NDUFAF7: variants seen among roughly 807,000 people sequenced by gnomAD.
NDUFAF7 encodes the protein NADH:ubiquinone oxidoreductase complex assembly factor 7, also known as protein arginine methyltransferase NDUFAF7, mitochondrial.
A neutral mutation model predicts 47.2 loss-of-function variants in NDUFAF7; 48 were observed. The ratio of observed to expected loss-of-function variants is 1.02; its 90% CI spans 0.81 to 1.29. The LOEUF (loss-of-function observed/expected upper bound fraction) is 1.29. Ranked by LOEUF, NDUFAF7 falls within the 50% of genes most tolerant of loss-of-function variation. NDUFAF7 has a pLI of 0.00. For synonymous variants in NDUFAF7, 217 were observed against 190.0 expected (o/e 1.14, Z -1.17); for missense variants, 635 against 537.6 (o/e 1.18, Z -1.79).
At chr2:37,271,186 T>C in the NDUFAF7 span, among the ~76,000 whole-genome samples, 21 of 152,306 alleles carry the variant, frequency 1.4e-4, no homozygotes, top group East Asian at 3.3e-3. Context: ...TGAGAAATTA[T>C]ATATAACAAT....
chr2:37,237,717 A>T, intron 3 of NDUFAF7, 40 bp from the exon 4 acceptor site: 2 of 1,420,246 alleles, frequency 1.4e-6, no homozygotes, highest in East Asian at 2.3e-5. Context: ...TTTATACTTT[A>T]TAATACTTTA....
chr2:37,271,332 C>T, the NDUFAF7 span, among the ~76,000 whole-genome samples: 2,209 of 152,160 alleles, frequency 0.015, 38 homozygotes, highest in African/African-American at 0.043. Flanking sequence ...CTTTAAATGA[C>T]TGGACAAATC....
downstream of NDUFAF7, chr2:37,256,756 T>C: frequency 3.1e-6 from 5 of 1,612,252 alleles, no homozygotes; most frequent in South Asian, 5.5e-5. Flanking sequence ...TAAAAGGAAA[T>C]GTGCCACTGA....
the NDUFAF7 span, among the ~76,000 whole-genome samples, chr2:37,264,587 G>A: frequency 6.6e-6 from 1 of 152,090 alleles, no homozygotes; most frequent in African/African-American, 2.4e-5. Context: ...TGATATTTGG[G>A]CAAAATCCTG....
At position 37,241,642 on chromosome 2, in the gene NDUFAF7, G is replaced by A. The variant is rs776299402; in HGVS notation, c.473G>A (p.Ser158Asn). 6.2e-7 allele frequency: 1 copy of A among 1,613,894 alleles called. No individual in the cohort carries two copies. The highest frequency in any genetic ancestry group is 8.5e-7 in the Non-Finnish European group (1 of 1,179,966). Residue 158 changes from serine to asparagine, a missense_variant, in exon 5 of 10, where the codon AGC becomes AAC. Physicochemically the swap from Ser to Asn is conservative, Grantham distance 46. Coordinates refer to ENST00000002125, the MANE Select transcript of NDUFAF7 (RefSeq NM_144736.5). Reference sequence around the variant, plus strand: ...ATTTCAGTACATCTGGTAGAGGTAAGCCAAAAATTAAGTGAGATTCAAGCA... The same window carrying A: ...ATTTCAGTACATCTGGTAGAGGTAAACCAAAAATTAAGTGAGATTCAAGCA... Reference protein sequence around the residue: ...CDISVHLVEVSQKLSEIQALT... With the variant: ...CDISVHLVEVNQKLSEIQALT...
At chr2:37,267,581 C>A in the NDUFAF7 span, 2 of 1,365,344 alleles carry the variant, frequency 1.5e-6, no homozygotes, top group South Asian at 2.4e-5. Context: ...AAACTGACAG[C>A]TTTATTAGGG....
Position 37,248,273 on chromosome 2 carries a change from A to T in NDUFAF7, c.1249A>T (p.Arg417Ter). Reference sequence around the variant, plus strand: ...ACCTCATCAGAGACTTCAAGGTGGAAGATATCAGAGGAATGCACGTCAGTC... The same window carrying T: ...ACCTCATCAGAGACTTCAAGGTGGATGATATCAGAGGAATGCACGTCAGTC... The part of the protein sequence containing the change: ...LLPHQRLQGG[R>*]YQRNARQSKP... The change falls in exon 10 of 10, where the codon AGA becomes TGA. Residue 417 changes from arginine (R) to a stop codon, truncating the protein, a stop_gained. Transcript: ENST00000002125. LOFTEE classifies it low-confidence loss of function (END_TRUNC). 1 of 1,614,134 alleles carries T rather than the reference A, an allele frequency of 6.2e-7. No homozygotes were observed. The highest frequency in any genetic ancestry group is 2.2e-5 in the East Asian group (1 of 44,882).
chr2:37,261,597 A>G, the NDUFAF7 span, among the ~76,000 whole-genome samples: 1 of 151,560 alleles, frequency 6.6e-6, no homozygotes, highest in South Asian at 2.1e-4. Context: ...CCTGACCAAC[A>G]TGGAGAAACC....
chr2:37,242,528 G>A (rs928449837), intron 5 of NDUFAF7, 107 bp from the exon 6 acceptor site: 23 of 794,584 alleles, frequency 2.9e-5, no homozygotes, highest in Non-Finnish European at 3.6e-5. Flanking sequence ...TAATTCTGTG[G>A]TAGTGATGAT....
At chr2:37,249,558 G>GACACACACACACACACACACAC (rs56374800), downstream of NDUFAF7, among the ~76,000 whole-genome samples, 27 of 128,420 alleles carry the variant, frequency 2.1e-4, no homozygotes, top group African/African-American at 7.6e-4. Context: ...GCCTGTGATA[G>GACACACACACACACACACACAC]ACACACACAC....
At chr2:37,267,621 T>C in the NDUFAF7 span, 1 of 991,984 alleles carries the variant, frequency 1.0e-6, no homozygotes, top group Non-Finnish European at 1.5e-6. Flanking sequence ...TTTATATGTA[T>C]TTACTCTTGA....
At chr2:37,240,076 G>A (rs1666200072) in intron 4 of NDUFAF7, among the ~76,000 whole-genome samples, 1 of 152,150 alleles carries the variant, frequency 6.6e-6, no homozygotes, top group Non-Finnish European at 1.5e-5. Flanking sequence ...GTAGTTTTTA[G>A]TATTTTGGAA....
chr2:37,238,403 A>C (rs1666013874), intron 4 of NDUFAF7, among the ~76,000 whole-genome samples: 1 of 151,752 alleles, frequency 6.6e-6, no homozygotes, highest in African/African-American at 2.4e-5. Context: ...CAGAGCTGAG[A>C]TTGCGCCATT....
At chr2:37,241,241 A>C (rs1666302263) in intron 4 of NDUFAF7, among the ~76,000 whole-genome samples, 1 of 152,174 alleles carries the variant, frequency 6.6e-6, no homozygotes, top group South Asian at 2.1e-4. Flanking sequence ...AGATGTTATC[A>C]AATCAAGGCT....
chr2:37,269,720 T>C, the NDUFAF7 span: 1 of 1,424,218 alleles, frequency 7.0e-7, no homozygotes, highest in Non-Finnish European at 9.9e-7. Context: ...TAGTATTATT[T>C]ATTTCTATAA....
chr2:37,268,492 C>T, the NDUFAF7 span: 7 of 365,338 alleles, frequency 1.9e-5, no homozygotes, highest in Admixed American at 3.7e-5. Context: ...CATCTCACAG[C>T]CAACGCTCCA....
At chr2:37,258,591 T>C in the NDUFAF7 span, among the ~76,000 whole-genome samples, 2 of 152,292 alleles carry the variant, frequency 1.3e-5, no homozygotes, top group Non-Finnish European at 2.9e-5. Flanking sequence ...TGTGCATCTT[T>C]TGTCTACTAT....
At chr2:37,260,508 CA>C in the NDUFAF7 span, 31 of 900,320 alleles carry the variant, frequency 3.4e-5, no homozygotes, top group Non-Finnish European at 4.9e-5. Context: ...ACAAAGCAAA[CA>C]AAATAAAAAT....
At position 37,248,737 on chromosome 2, in the gene NDUFAF7, A is replaced by C. The variant is rs925473799; in HGVS notation, c.*387A>C. On this transcript the variant is annotated 3_prime_UTR_variant, in exon 10 of 10. Transcript: ENST00000002125. ...AAAGACCAGCCTGACCAAAATGGAG[A>C]AACCCCATCTCTACTAAAAATACAA... 1 of 281,458 alleles carries C rather than the reference A, an allele frequency of 3.6e-6. No homozygotes were observed. The highest frequency in any genetic ancestry group is 2.2e-5 in the African/African-American group (1 of 45,030). The allele number at this position is 281,458 out of a possible 1,614,324, so 17.4% of individuals were successfully genotyped here.
Sources: allele counts gnomAD v4.1 joint callset (sites outside exome capture counted in the v4.1 genomes callset), GRCh38; gene constraint gnomAD v4.1.1; transcripts MANE v1.5; gene names NCBI Gene and HGNC (gene_info 2026-07-23, HGNC 2026-07-21).